Variants in PVT1 observed in about 807,000 individuals in gnomAD.
PVT1 encodes the protein CXCR4/PVT1 fusion.
chr8:127,853,685 G>T (rs1300350970), intron 2 of PVT1, among the ~76,000 whole-genome samples: 1 of 152,006 alleles, frequency 6.6e-6, no homozygotes, highest in Non-Finnish European at 1.5e-5. Flanking sequence ...GGAGGCTGAG[G>T]CAGGAGAATC....
At chr8:127,836,987 T>C (rs1250347819) in intron 2 of PVT1, among the ~76,000 whole-genome samples, 1 of 152,126 alleles carries the variant, frequency 6.6e-6, no homozygotes, top group Non-Finnish European at 1.5e-5. Context: ...CTGGTTACAG[T>C]TGGACTTCAC....
chr8:127,974,951 C>A (rs1046771411), intron 3 of PVT1, among the ~76,000 whole-genome samples: 2 of 152,092 alleles, frequency 1.3e-5, no homozygotes, highest in Non-Finnish European at 2.9e-5. Context: ...ATATCCTAAA[C>A]ATTTGATGTA....
intron 3 of PVT1, among the ~76,000 whole-genome samples, chr8:127,945,698 G>T (rs1816411773): frequency 6.6e-6 from 1 of 152,084 alleles, no homozygotes; most frequent in Admixed American, 6.5e-5. Context: ...GTCAGTTTTG[G>T]ACCTCCCACT....
At chr8:128,044,315 AC>A (rs1176372394) in intron 4 of PVT1, among the ~76,000 whole-genome samples, 1 of 151,628 alleles carries the variant, frequency 6.6e-6, no homozygotes, top group African/African-American at 2.4e-5. Context: ...ACAGTCTGAC[AC>A]CCCCAACCCC....
At chr8:127,942,166 T>C (rs1816360537) in intron 3 of PVT1, among the ~76,000 whole-genome samples, 2 of 152,330 alleles carry the variant, frequency 1.3e-5, no homozygotes, top group African/African-American at 2.4e-5. Flanking sequence ...CACTTTCGCC[T>C]GTCAGTTCTG....
chr8:127,951,503 CAGATCACAGAAAGGTCTTGAGATT>C (rs977877156), intron 3 of PVT1, among the ~76,000 whole-genome samples: 1 of 152,144 alleles, frequency 6.6e-6, no homozygotes, highest in Admixed American at 6.5e-5. Context: ...TGAGGGACGT[CAGATCACAGAAAGGTCTTGAGATT>C]AGAGCTGAAT....
At chr8:127,855,096 T>C in intron 2 of PVT1, 3 of 398,610 alleles carry the variant, frequency 7.5e-6, no homozygotes, top group Non-Finnish European at 1.3e-5. Context: ...TCAAGTTAAG[T>C]TTCTCTCCTC....
intron 2 of PVT1, among the ~76,000 whole-genome samples, chr8:127,881,066 C>A (rs1815461589): frequency 1.3e-5 from 2 of 152,204 alleles, no homozygotes. Context: ...CATGAAGGTG[C>A]CTGCTGGTAG....
intron 3 of PVT1, among the ~76,000 whole-genome samples, chr8:127,957,063 T>C (rs1445963112): frequency 6.6e-6 from 1 of 152,166 alleles, no homozygotes; most frequent in Non-Finnish European, 1.5e-5. Flanking sequence ...TCAAACAACT[T>C]TTCAACCACC....
chr8:127,861,063 A>G (rs1815222879), intron 2 of PVT1, among the ~76,000 whole-genome samples: 1 of 151,508 alleles, frequency 6.6e-6, no homozygotes, highest in Non-Finnish European at 1.5e-5. Flanking sequence ...CTTCCTGGTG[A>G]TTTCACCTCA....
rs150062034 is a variant in PVT1, at chr8:127,897,309, A to G, written n.782+6311A>G. 3.5e-4 allele frequency among the ~76,000 whole-genome samples: 54 copies of G among 152,270 alleles called. No homozygotes were observed. The East Asian group carries it at 9.1e-3, about 26-fold the overall frequency. On this transcript the variant is annotated intron_variant and non_coding_transcript_variant, in intron 3 of 10. Transcript: ENST00000651587. ...TCCCTACAGCGCCTGGTCAGACTGCAAGAGACATAGGAAGCAGCCAGGGCA... is the reference window on the plus strand; with the variant it reads ...TCCCTACAGCGCCTGGTCAGACTGCGAGAGACATAGGAAGCAGCCAGGGCA...
At chr8:128,064,975 G>A (rs1235833896) in intron 4 of PVT1, among the ~76,000 whole-genome samples, 2 of 152,168 alleles carry the variant, frequency 1.3e-5, no homozygotes, top group Non-Finnish European at 2.9e-5. Flanking sequence ...TTTCTTGCTT[G>A]TAGCATTTTA....
chr8:128,005,104 C>T (rs1255677877), intron 4 of PVT1, among the ~76,000 whole-genome samples: 1 of 151,756 alleles, frequency 6.6e-6, no homozygotes, highest in African/African-American at 2.4e-5. Context: ...CACACCATTG[C>T]ACTCCAGCCT....
chr8:128,097,932 G>A (rs866381677), intron 6 of PVT1, among the ~76,000 whole-genome samples: 2 of 152,276 alleles, frequency 1.3e-5, no homozygotes, highest in Admixed American at 6.5e-5. Context: ...GAGATTTCCT[G>A]CAGGGACTTA....
In PVT1 at chr8:127,832,770, A is replaced by G. The variant is rs12548532; in HGVS notation, n.372+36699A>G. ...CTACTTGGGAGGCTGAGGCAGGAGA[A>G]TGGTGTGAACCCGGGAGGCGGAGCT... On this transcript the variant is annotated intron_variant and non_coding_transcript_variant, in intron 2 of 10. Coordinates refer to ENST00000651587, the Ensembl canonical transcript of PVT1. Among the ~76,000 whole-genome samples the G allele has an allele frequency of 3.8e-3, 577 of 152,288 alleles. 21 individuals are homozygous for G. The highest frequency in any genetic ancestry group is 0.03 in the Admixed American group (462 of 15,300).
chr8:128,094,045 C>T (rs562037748), intron 5 of PVT1, among the ~76,000 whole-genome samples: 1 of 152,248 alleles, frequency 6.6e-6, no homozygotes, highest in South Asian at 2.1e-4. Flanking sequence ...CAGTCCTCAC[C>T]ACCCCTCTTA....
chr8:127,817,496 TAC>T, intron 2 of PVT1, among the ~76,000 whole-genome samples: 9 of 133,082 alleles, frequency 6.8e-5, no homozygotes, highest in African/African-American at 2.7e-4. Flanking sequence ...TGTGTGTATA[TAC>T]ATATATATTT....
rs147685241 is a variant in PVT1, at chr8:127,807,570, G to C, written n.372+11499G>C. Reference sequence around the variant, plus strand: ...ACTCCTGGCCTCAAGCCATCCTCCTGCCCAGTTCTCCCAAAGTGCTGGGAT... The same window carrying C: ...ACTCCTGGCCTCAAGCCATCCTCCTCCCCAGTTCTCCCAAAGTGCTGGGAT... On this transcript the variant is annotated intron_variant and non_coding_transcript_variant, in intron 2 of 10. Transcript: ENST00000651587. Among the ~76,000 whole-genome samples the C allele has an allele frequency of 1.9e-3, 284 of 152,214 alleles. 1 individual carries two copies. The highest frequency in any genetic ancestry group is 6.1e-3 in the African/African-American group (253 of 41,524).
At chr8:127,912,799 C>T (rs1350503452) in intron 3 of PVT1, among the ~76,000 whole-genome samples, 3 of 152,038 alleles carry the variant, frequency 2.0e-5, no homozygotes. Context: ...CGGGTTCAAG[C>T]AATTCTTCTG....
Sources: gnomAD v4.1 joint callset for allele counts (sites outside exome capture counted in the v4.1 genomes callset) on GRCh38, gnomAD v4.1.1 for gene constraint, MANE v1.5 for transcripts, NCBI Gene and HGNC (gene_info 2026-07-23, HGNC 2026-07-21) for gene names.